RBM45: variants seen among roughly 807,000 people sequenced by gnomAD.
The protein encoded by RBM45 is RNA-binding protein 45.
In RBM45, 39 loss-of-function variants were observed where a neutral mutation model predicts 58.5. That is an observed-to-expected ratio of 0.67 (90% confidence interval 0.52 to 0.87). RBM45 has a LOEUF of 0.87. Among genes scored for constraint, RBM45 ranks in the 40% least tolerant of loss-of-function variants. RBM45 has a pLI of 0.00. For missense variants in RBM45, 481 were observed against 581.6 expected (o/e 0.83, Z 1.78); for synonymous variants, 193 against 203.0 (o/e 0.95, Z 0.42).
chr2:178,129,005 C>G (rs923897423), intron 9 of RBM45, among the ~76,000 whole-genome samples: 1 of 152,056 alleles, frequency 6.6e-6, no homozygotes, highest in Non-Finnish European at 1.5e-5. Flanking sequence ...TTTCTTTTAT[C>G]TCTGAGGTAT....
rs1217602532 is a variant in RBM45, at chr2:178,126,017, G to T, written c.1266G>T (p.Val422=). 6.2e-7 allele frequency: 1 copy of T among 1,613,624 alleles called. No homozygotes were observed. Among genetic ancestry groups the T allele is most frequent in the Non-Finnish European group, 8.5e-7 (1 of 1,179,906 alleles). ...GTAACCTGATCGAAGTTTACCTTGT[G>T]TCAGGAAAAAATGTGGGGTATGCCA... ...RFGNLIEVYL[V]SGKNVGYAKY... The change falls in exon 9 of 10, where the codon GTG becomes GTT. Residue 422 remains valine (V), a synonymous_variant. Transcript: ENST00000286070.
At chr2:178,130,652 C>T (rs1359198015), downstream of RBM45, among the ~76,000 whole-genome samples, 2 of 152,088 alleles carry the variant, frequency 1.3e-5, no homozygotes, top group African/African-American at 4.8e-5. Context: ...ATATCTAAAT[C>T]AAGCATTTGG....
At chr2:178,124,639 C>T (rs1423469853) in intron 8 of RBM45, among the ~76,000 whole-genome samples, 1 of 152,070 alleles carries the variant, frequency 6.6e-6, no homozygotes, top group African/African-American at 2.4e-5. Flanking sequence ...TATGGCAAAA[C>T]CCCATCTCTA....
At chr2:178,133,324 A>G (rs532179291), downstream of RBM45, among the ~76,000 whole-genome samples, 1 of 152,280 alleles carries the variant, frequency 6.6e-6, no homozygotes, top group African/African-American at 2.4e-5. Flanking sequence ...TAATATTTTT[A>G]TTTACATTTA....
Position 178,120,380 on chromosome 2 carries a change from A to T in RBM45, c.644A>T (p.His215Leu). The change falls in exon 4 of 10, where the codon CAT becomes CTT. Residue 215 changes from histidine to leucine, a missense_variant. His to Leu is a moderately conservative substitution (Grantham distance 99). Transcript: ENST00000286070. ...AATATGAGGCAAGAAGCTTTGGGAC[A>T]TGAACCTAGAGTAAATATGTTTCCA... ...YSNMRQEALGHEPRVNMFPFE... is the reference protein window; with the variant it reads ...YSNMRQEALGLEPRVNMFPFE... The T allele has an allele frequency of 6.2e-7, 1 of 1,613,036 alleles. No homozygotes were observed. Among genetic ancestry groups the T allele is most frequent in the African/African-American group, 1.3e-5 (1 of 74,998 alleles).
intron 1 of RBM45, among the ~76,000 whole-genome samples, chr2:178,116,060 G>A (rs1047176434): frequency 6.6e-6 from 1 of 151,936 alleles, no homozygotes; most frequent in African/African-American, 2.4e-5. Flanking sequence ...GCTGAGGTGG[G>A]AGGATCACTT....
At chr2:178,125,908 G>A (rs1401449227) in intron 8 of RBM45, 76 bp from the exon 9 acceptor site, 17 of 1,178,758 alleles carry the variant, frequency 1.4e-5, no homozygotes, top group Non-Finnish European at 2.1e-5. Context: ...ATGGAGTCAA[G>A]AATGGACTCC....
chr2:178,123,648 C>A lies in RBM45; in HGVS notation c.980C>A (p.Thr327Lys). The change falls in exon 6 of 10, where the codon ACA (threonine) becomes AAA (lysine). Residue 327 changes from threonine to lysine, a missense_variant. By Grantham distance (78) the Thr-to-Lys change is moderately conservative (BLOSUM62 -1). Transcript: ENST00000286070. ...TTCATTGATGATGGAAGTAATGCAA[C>A]AGAGTAAGTACCATTCCAGGAGTGT... ...VSFIDDGSNA[T>K]DLLRKMATQM... The A allele has an allele frequency of 6.2e-7, 1 of 1,604,106 alleles. No homozygotes were observed. Among genetic ancestry groups the A allele is most frequent in the South Asian group, 1.1e-5 (1 of 88,554 alleles).
intron 1 of RBM45, 69 bp from the exon 2 acceptor site, chr2:178,116,193 T>C (rs1489086873): frequency 3.3e-6 from 5 of 1,507,040 alleles, no homozygotes; most frequent in African/African-American, 2.8e-5. Context: ...ATAATTGCTT[T>C]TGAAAAAATT....
intron 8 of RBM45, among the ~76,000 whole-genome samples, chr2:178,124,800 T>G (rs573043540): frequency 4.6e-5 from 7 of 152,166 alleles, no homozygotes; most frequent in African/African-American, 1.7e-4. Context: ...GGTGACAGAG[T>G]GAGACCCTTT....
rs377008888 is a variant in RBM45, at chr2:178,120,277, G to T, written c.551-10G>T. The T allele has an allele frequency of 7.1e-5, 115 of 1,611,480 alleles. No homozygotes were observed. Among genetic ancestry groups the T allele is most frequent in the African/African-American group, 6.3e-4 (47 of 74,850 alleles). Reference sequence around the variant, plus strand: ...TGCTGTGAAACTTGAAATTCATGGGGTTTTTTCAGGTTTTAGAGCAATCTT... The same window carrying T: ...TGCTGTGAAACTTGAAATTCATGGGTTTTTTTCAGGTTTTAGAGCAATCTT... On this transcript the variant is annotated splice_polypyrimidine_tract_variant and intron_variant, in intron 3 of 9. Transcript: ENST00000286070.
chr2:178,125,963 AT>A lies in RBM45; in HGVS notation c.1233-14del, dbSNP rs751153281. 5 of 1,605,426 alleles carry A rather than the reference AT, an allele frequency of 3.1e-6. No individual in the cohort carries two copies. Among genetic ancestry groups the A allele is most frequent in the South Asian group, 1.1e-5 (1 of 90,504 alleles). ...TTGTATTTATCAATTTTGGTTGATT[AT>A]TTTTTTCACTTTGTTTCAGTCGTTT... is the stretch of plus-strand genomic sequence containing the variant. On this transcript the variant is annotated intron_variant, in intron 8 of 9. Coordinates refer to ENST00000286070, the MANE Select transcript of RBM45 (RefSeq NM_152945.4).
At chr2:178,113,529 T>G (rs1471014234) in intron 1 of RBM45, among the ~76,000 whole-genome samples, 2 of 152,234 alleles carry the variant, frequency 1.3e-5, no homozygotes, top group Non-Finnish European at 1.5e-5. Context: ...AACTTTTCTT[T>G]GAAAGCAGAC....
intron 5 of RBM45, among the ~76,000 whole-genome samples, 196 bp from the exon 6 acceptor site, chr2:178,123,326 T>C (rs900712664): frequency 4.6e-5 from 7 of 152,204 alleles, no homozygotes; most frequent in African/African-American, 1.7e-4. Flanking sequence ...TTCCCTAAAT[T>C]ATTTCTTCCT....
chr2:178,117,918 A>G (rs1054084378), intron 2 of RBM45, 137 bp from the exon 3 acceptor site: 2 of 517,686 alleles, frequency 3.9e-6, no homozygotes, highest in Non-Finnish European at 6.6e-6. Context: ...AAATACAAAT[A>G]TGCAATATCT....
chr2:178,113,231 C>G (rs2105896430), intron 1 of RBM45, among the ~76,000 whole-genome samples: 1 of 152,274 alleles, frequency 6.6e-6, no homozygotes, highest in African/African-American at 2.4e-5. Flanking sequence ...CTCAGATGCC[C>G]AGATTTCCAT....
chr2:178,120,439 A>G (rs753048272), intron 4 of RBM45, 30 bp downstream of exon 4: 6 of 1,582,292 alleles, frequency 3.8e-6, no homozygotes, highest in Non-Finnish European at 3.4e-6. Flanking sequence ...TTTTAATAGT[A>G]TAATGTAGTA....
intron 3 of RBM45, among the ~76,000 whole-genome samples, chr2:178,119,142 T>C (rs1434354454): frequency 1.3e-5 from 2 of 152,212 alleles, no homozygotes; most frequent in African/African-American, 2.4e-5. Context: ...AGGTATCTAG[T>C]ACAATAATAG....
rs141431611 is a variant in RBM45, at chr2:178,116,238, T to C, written c.301-24T>C. ...GGAAAATAGTTGACATTATTTTATT[T>C]TGGGAGTTTTGTTTGTTTCTTAGGT... On this transcript the variant is annotated intron_variant, in intron 1 of 9. Transcript: ENST00000286070. 230 of 1,547,456 alleles carry C rather than the reference T, an allele frequency of 1.5e-4. No homozygotes were observed. The African/African-American group carries it at 2.6e-3, about 18-fold the overall frequency.
Sources: allele counts gnomAD v4.1 joint callset (sites outside exome capture counted in the v4.1 genomes callset), GRCh38; gene constraint gnomAD v4.1.1; transcripts MANE v1.5; gene names NCBI Gene and HGNC (gene_info 2026-07-23, HGNC 2026-07-21).